MINDY4B: variants seen among roughly 807,000 people sequenced by gnomAD.
The protein encoded by MINDY4B is MINDY family member 4B.
Under a neutral mutation model 16.7 loss-of-function variants are expected in MINDY4B, and 25 were observed. The ratio of observed to expected loss-of-function variants is 1.49; its 90% CI spans 1.09 to 2.09. The LOEUF is 2.09. Among genes scored for constraint, MINDY4B ranks in the 30% most tolerant of loss-of-function variants. The pLI is 0.00. For synonymous variants in MINDY4B, 132 were observed against 61.9 expected (o/e 2.13, Z -5.32); for missense variants, 327 against 168.4 (o/e 1.94, Z -5.21).
intron 3 of MINDY4B, among the ~76,000 whole-genome samples, chr3:150,900,606 G>A (rs1181116642): frequency 6.6e-6 from 1 of 152,070 alleles, no homozygotes; most frequent in East Asian, 1.9e-4. Flanking sequence ...TGATCATCTG[G>A]CCCATATAAT....
In MINDY4B at chr3:150,873,252, C is replaced by A; in HGVS notation, c.1175G>T (p.Arg392Leu). 1 of 703,174 alleles carries A rather than the reference C, an allele frequency of 1.4e-6. No individual in the cohort carries two copies. The highest frequency in any genetic ancestry group is 2.7e-5 in the East Asian group (1 of 37,288). The allele number at this position is 703,174 out of a possible 1,614,324, so 43.6% of individuals were successfully genotyped here. Residue 392 changes from arginine to leucine, a missense_variant, in exon 11 of 12, where the codon CGT (arginine) becomes CTT (leucine). Physicochemically the swap from Arg to Leu is moderately radical, Grantham distance 102 (BLOSUM62 -2). Coordinates refer to ENST00000465419, the MANE Select transcript of MINDY4B (RefSeq NM_001351281.2). ...RQLLSDWKME[R>L]LFDLYFYSGQ... ...ACTGTAAAAGTACAGATCAAAGAGA[C>A]GTTCCATTTTCCAGTCTGATAAGAG...
intron 4 of MINDY4B, among the ~76,000 whole-genome samples, chr3:150,893,633 T>C (rs1033546851): frequency 6.1e-5 from 9 of 147,312 alleles, no homozygotes; most frequent in Non-Finnish European, 1.3e-4. Context: ...GACTGGTGAC[T>C]GGGGATGTAT....
At chr3:150,892,627 C>T (rs1442263271) in intron 5 of MINDY4B, among the ~76,000 whole-genome samples, 1 of 152,006 alleles carries the variant, frequency 6.6e-6, no homozygotes, top group Non-Finnish European at 1.5e-5. Flanking sequence ...AAAAACCAAA[C>T]ATCATACCTT....
chr3:150,874,434 C>T (rs1427780736), intron 10 of MINDY4B, among the ~76,000 whole-genome samples: 2 of 152,226 alleles, frequency 1.3e-5, no homozygotes, highest in African/African-American at 2.4e-5. Flanking sequence ...TGATAGCCAT[C>T]AGTTTGTTTA....
chr3:150,893,880 AG>A (rs1237160880), intron 4 of MINDY4B, among the ~76,000 whole-genome samples: 1 of 152,098 alleles, frequency 6.6e-6, no homozygotes, highest in African/African-American at 2.4e-5. Context: ...TAGAGGAGAC[AG>A]GGTTTCACCA....
intron 6 of MINDY4B, chr3:150,890,715 G>A: frequency 2.0e-6 from 1 of 512,404 alleles, no homozygotes; most frequent in Non-Finnish European, 3.5e-6. Flanking sequence ...TCAGATGGGA[G>A]ATATTCTTGG....
At chr3:150,894,125 A>G (rs1711896770) in intron 4 of MINDY4B, 61 bp downstream of exon 4, 2 of 618,726 alleles carry the variant, frequency 3.2e-6, no homozygotes, top group African/African-American at 3.7e-5. Context: ...GTGGACAGGA[A>G]GGATATATGG....
At chr3:150,901,818 G>A (rs1391017011) in intron 3 of MINDY4B, among the ~76,000 whole-genome samples, 1 of 152,130 alleles carries the variant, frequency 6.6e-6, no homozygotes, top group Non-Finnish European at 1.5e-5. Context: ...ACCATGCCCG[G>A]CCAAGGCAGA....
intron 3 of MINDY4B, among the ~76,000 whole-genome samples, chr3:150,895,452 TCA>T (rs139396983): frequency 0.018 from 2,741 of 152,260 alleles, 79 homozygotes; most frequent in African/African-American, 0.063. Context: ...TGCTTTGGTC[TCA>T]CAGCTCTTTT....
At chr3:150,874,249 C>G (rs757891787) in intron 10 of MINDY4B, among the ~76,000 whole-genome samples, 3 of 152,122 alleles carry the variant, frequency 2.0e-5, no homozygotes, top group Non-Finnish European at 4.4e-5. Context: ...CTCCTGAACA[C>G]AAGCAATCTA....
In MINDY4B at chr3:150,882,892, C is replaced by G. The variant is rs1275879676; in HGVS notation, c.1059+5G>C. On this transcript the variant is annotated splice_donor_5th_base_variant and intron_variant, in intron 10 of 11. Transcript: ENST00000465419. ...TTGTGTGGTTGAGGACTGGAACACA[C>G]TCACCTGTGAGAGTCTGTCATCTTC... The G allele has an allele frequency of 1.4e-6, 1 of 700,232 alleles. No homozygotes were observed. Among genetic ancestry groups the G allele is most frequent in the Admixed American group, 2.0e-5 (1 of 49,722 alleles). 43.4% of individuals were successfully genotyped at this position (700,232 alleles called of 1,614,324 possible).
chr3:150,882,922 G>A lies in MINDY4B; in HGVS notation c.1034C>T (p.Ala345Val). The A allele has an allele frequency of 1.4e-6, 1 of 702,450 alleles. No homozygotes were observed. Among genetic ancestry groups the A allele is most frequent in the East Asian group, 2.7e-5 (1 of 37,250 alleles). 43.5% of individuals were successfully genotyped at this position (702,450 alleles called of 1,614,324 possible). A position where few individuals can be genotyped will look rare whatever the true frequency, so the allele number is the denominator to read the frequency against. The change falls in exon 10 of 12, where the codon GCC (alanine) becomes GTC (valine). Residue 345 changes from alanine (A) to valine (V), a missense_variant. By Grantham distance (64) the Ala-to-Val change is moderately conservative. Transcript: ENST00000465419. ...CTGTGAGAGTCTGTCATCTTCCGAGGCATCCTTACCCCACTGCAAATAGCC... is the reference window on the plus strand; with the variant it reads ...CTGTGAGAGTCTGTCATCTTCCGAGACATCCTTACCCCACTGCAAATAGCC... Reference protein sequence around the residue: ...DVGYLQWGKDASEDDRLSQVG... With the variant: ...DVGYLQWGKDVSEDDRLSQVG...
chr3:150,885,051 A>G (rs368384066), intron 8 of MINDY4B, among the ~76,000 whole-genome samples: 1 of 152,230 alleles, frequency 6.6e-6, no homozygotes, highest in East Asian at 1.9e-4. Flanking sequence ...CTTATCATGG[A>G]TCTAAATAAT....
chr3:150,890,195 T>G, intron 7 of MINDY4B, 125 bp downstream of exon 7: 1 of 418,850 alleles, frequency 2.4e-6, no homozygotes. Context: ...ATTCTGCCCT[T>G]TCTTAGCCCT....
At chr3:150,894,564 C>T (rs1711910306) in intron 3 of MINDY4B, among the ~76,000 whole-genome samples, 1 of 152,332 alleles carries the variant, frequency 6.6e-6, no homozygotes, top group Non-Finnish European at 1.5e-5. Context: ...GTCTACAGCT[C>T]TTGCCCCATA....
At chr3:150,894,684 A>C (rs1711913309) in intron 3 of MINDY4B, among the ~76,000 whole-genome samples, 1 of 152,170 alleles carries the variant, frequency 6.6e-6, no homozygotes, top group South Asian at 2.1e-4. Flanking sequence ...TAGCGATTTA[A>C]ACAAGCATTC....
chr3:150,871,617 G>A (rs1716973767), intron 11 of MINDY4B, among the ~76,000 whole-genome samples: 1 of 152,094 alleles, frequency 6.6e-6, no homozygotes, highest in Admixed American at 6.5e-5. Flanking sequence ...GGGGGGCTGA[G>A]GCAGGTGGAT....
At chr3:150,883,585 A>T in intron 9 of MINDY4B, 115 bp downstream of exon 9, 2 of 641,628 alleles carry the variant, frequency 3.1e-6, no homozygotes, top group Non-Finnish European at 5.6e-6. Flanking sequence ...GAATATATTT[A>T]ATTAGAAAAC....
rs930532485 is a variant in MINDY4B at position 150,873,205 on chromosome 3, G to T, written c.1222C>A (p.Leu408Ile). The T allele has an allele frequency of 3.1e-5, 22 of 703,144 alleles. No individual in the cohort carries two copies. Among genetic ancestry groups the T allele is most frequent in the Admixed American group, 8.0e-5 (4 of 49,978 alleles). The allele number at this position is 703,144 out of a possible 1,614,324, so 43.6% of individuals were successfully genotyped here. The change falls in exon 11 of 12, where the codon CTT becomes ATT. Residue 408 changes from leucine to isoleucine, a missense_variant. Coordinates refer to ENST00000465419, the MANE Select transcript of MINDY4B (RefSeq NM_001351281.2). ...FYSGQPSQKK[L>I]VRLTIDTHSH... ...TGCTCACCTATTGTAAGACGCACAAGCTTTTTCTGTGAGGGTTGGCCACTG... is the reference window on the plus strand; with the variant it reads ...TGCTCACCTATTGTAAGACGCACAATCTTTTTCTGTGAGGGTTGGCCACTG...
Sources: allele counts gnomAD v4.1 joint callset (sites outside exome capture counted in the v4.1 genomes callset), GRCh38; gene constraint gnomAD v4.1.1; transcripts MANE v1.5; gene names NCBI Gene and HGNC (gene_info 2026-07-23, HGNC 2026-07-21).